Variants in FAM168A observed in about 807,000 individuals in gnomAD.
The protein encoded by FAM168A is family with sequence similarity 168 member A.
Under a neutral mutation model 28.5 loss-of-function variants are expected in FAM168A, and 3 were observed. The observed-to-expected ratio is 0.11, with a 90% CI of 0.05 to 0.27. FAM168A has a LOEUF of 0.27. FAM168A is among the 10% of genes least tolerant of loss of function. FAM168A has a pLI of 1.00. For synonymous variants in FAM168A, 122 were observed against 124.2 expected (o/e 0.98, Z 0.12); for missense variants, 222 against 311.5 (o/e 0.71, Z 2.16).
At chr11:73,561,226 T>A (rs917173470) in intron 1 of FAM168A, among the ~76,000 whole-genome samples, 3 of 151,392 alleles carry the variant, frequency 2.0e-5, no homozygotes, top group East Asian at 1.9e-4. Context: ...ATACAAAAAA[T>A]TTGCCAGGCG....
chr11:73,401,811 T>C lies in FAM168A; in HGVS notation c.*4952A>G, dbSNP rs992562869. 1 of 152,164 alleles carries C rather than the reference T, an allele frequency of 6.6e-6. No individual in the cohort carries two copies. The highest frequency in any genetic ancestry group is 1.5e-5 in the Non-Finnish European group (1 of 68,028). 9.4% of individuals were successfully genotyped at this position (152,164 alleles called of 1,614,324 possible). A position where few individuals can be genotyped will look rare whatever the true frequency, so the allele number is the denominator to read the frequency against. ...AGCATGCACCACAGAAGATATCCAC[T>C]GGAGAGACTGAGGGACTGGGACCCA... On this transcript the variant is annotated 3_prime_UTR_variant, in exon 8 of 8. Transcript: ENST00000356467.
chr11:73,573,333 C>G (rs889307277), intron 1 of FAM168A, among the ~76,000 whole-genome samples: 2 of 152,178 alleles, frequency 1.3e-5, no homozygotes, highest in Admixed American at 6.5e-5. Context: ...CAACAGTTCT[C>G]CACACACTAC....
chr11:73,517,818 T>C (rs756846397), intron 1 of FAM168A, among the ~76,000 whole-genome samples: 1 of 152,196 alleles, frequency 6.6e-6, no homozygotes, highest in East Asian at 1.9e-4. Flanking sequence ...TAGGAAGCAT[T>C]TGCCATTCAT....
chr11:73,501,114 C>A (rs1656506373), intron 1 of FAM168A, among the ~76,000 whole-genome samples: 1 of 151,878 alleles, frequency 6.6e-6, no homozygotes, highest in Non-Finnish European at 1.5e-5. Flanking sequence ...TACATAATGG[C>A]AAAGGGAACA....
intron 1 of FAM168A, among the ~76,000 whole-genome samples, chr11:73,582,445 C>A (rs1488991659): frequency 6.6e-6 from 1 of 151,682 alleles, no homozygotes; most frequent in African/African-American, 2.4e-5. Context: ...TTGGCATGAA[C>A]CCAGGAGGCG....
At chr11:73,416,643 A>G (rs891629176) in intron 4 of FAM168A, among the ~76,000 whole-genome samples, 1 of 152,166 alleles carries the variant, frequency 6.6e-6, no homozygotes, top group Non-Finnish European at 1.5e-5. Flanking sequence ...GTCAACCCCA[A>G]CTGCATTAAA....
intron 1 of FAM168A, among the ~76,000 whole-genome samples, chr11:73,509,892 G>A (rs374135698): frequency 6.6e-6 from 1 of 152,100 alleles, no homozygotes; most frequent in African/African-American, 2.4e-5. Flanking sequence ...AACTCTGGGA[G>A]GCTTTCCCTA....
In FAM168A at chr11:73,422,437, A is replaced by G. The variant is rs192536353; in HGVS notation, c.152-2438T>C. 1.4e-4 allele frequency among the ~76,000 whole-genome samples: 22 copies of G among 152,342 alleles called. No homozygotes were observed. The East Asian group carries it at 3.3e-3, about 23-fold the overall frequency. Reference sequence around the variant, plus strand: ...ATGTGAAAACACATCAAAAAAACAAATATTAGCTGTCAACTTGACCTCCCC... The same window carrying G: ...ATGTGAAAACACATCAAAAAAACAAGTATTAGCTGTCAACTTGACCTCCCC... On this transcript the variant is annotated intron_variant, in intron 3 of 7. Coordinates refer to ENST00000356467, the MANE Select transcript of FAM168A (RefSeq NM_015159.3).
chr11:73,435,585 CTTATT>C (rs971409934), intron 2 of FAM168A, among the ~76,000 whole-genome samples: 1 of 151,946 alleles, frequency 6.6e-6, no homozygotes, highest in Non-Finnish European at 1.5e-5. Flanking sequence ...TCTTACTTTA[CTTATT>C]TATTTATTTA....
intron 1 of FAM168A, among the ~76,000 whole-genome samples, chr11:73,554,534 G>T (rs971890876): frequency 1.4e-4 from 22 of 152,072 alleles, no homozygotes; most frequent in Non-Finnish European, 1.5e-5. Flanking sequence ...AATATAGAGC[G>T]ATATTATTTG....
At chr11:73,566,740 A>G (rs1944024497) in intron 1 of FAM168A, among the ~76,000 whole-genome samples, 1 of 152,236 alleles carries the variant, frequency 6.6e-6, no homozygotes. Context: ...TATCAGGTAC[A>G]ATATTGAATG....
intron 1 of FAM168A, among the ~76,000 whole-genome samples, chr11:73,490,140 G>A (rs1046344968): frequency 5.3e-5 from 8 of 152,096 alleles, no homozygotes; most frequent in Non-Finnish European, 8.8e-5. Flanking sequence ...TGTTGTTCTT[G>A]ACTTCTCTTT....
At chr11:73,422,197 A>T (rs192208357) in intron 3 of FAM168A, among the ~76,000 whole-genome samples, 39 of 152,316 alleles carry the variant, frequency 2.6e-4, no homozygotes, top group African/African-American at 8.7e-4. Flanking sequence ...GATACATAGT[A>T]AAATAATGTT....
At chr11:73,407,958 G>A (rs1866538238) in intron 6 of FAM168A, among the ~76,000 whole-genome samples, 1 of 152,206 alleles carries the variant, frequency 6.6e-6, no homozygotes, top group African/African-American at 2.4e-5. Flanking sequence ...TGCAGCCTCT[G>A]CCTCCTGAGT....
chr11:73,441,739 G>A (rs1293736731), intron 2 of FAM168A, among the ~76,000 whole-genome samples: 2 of 152,134 alleles, frequency 1.3e-5, no homozygotes, highest in Non-Finnish European at 2.9e-5. Context: ...GGTGTTGGCA[G>A]TTTCTTTCTT....
At chr11:73,444,543 C>T (rs944144775) in intron 2 of FAM168A, among the ~76,000 whole-genome samples, 1 of 152,190 alleles carries the variant, frequency 6.6e-6, no homozygotes, top group Non-Finnish European at 1.5e-5. Flanking sequence ...TGTGTATTTA[C>T]AATCTTTTGT....
At chr11:73,439,225 G>A (rs1867148867) in intron 2 of FAM168A, among the ~76,000 whole-genome samples, 1 of 152,164 alleles carries the variant, frequency 6.6e-6, no homozygotes, top group Non-Finnish European at 1.5e-5. Context: ...GCGAGCTGCA[G>A]GGAATTGTAA....
At chr11:73,496,873 T>TCTCACACACA (rs368457408) in intron 1 of FAM168A, among the ~76,000 whole-genome samples, 12 of 140,132 alleles carry the variant, frequency 8.6e-5, no homozygotes, top group African/African-American at 3.0e-4. Flanking sequence ...TATGTTCTTA[T>TCTCACACACA]CACACACACA....
At chr11:73,490,098 C>T (rs1173898897) in intron 1 of FAM168A, among the ~76,000 whole-genome samples, 1 of 152,184 alleles carries the variant, frequency 6.6e-6, no homozygotes, top group Non-Finnish European at 1.5e-5. Flanking sequence ...ATTGCAACTC[C>T]ATGCTTTTAA....
Sources: allele counts gnomAD v4.1 joint callset (sites outside exome capture counted in the v4.1 genomes callset), GRCh38; gene constraint gnomAD v4.1.1; transcripts MANE v1.5; gene names NCBI Gene and HGNC (gene_info 2026-07-23, HGNC 2026-07-21).